Variants in ZNF469 observed in about 807,000 individuals in gnomAD.
ZNF469 encodes zinc finger protein 469.
Under a neutral mutation model 1.0 loss-of-function variants are expected in ZNF469, and 1 was observed. That is an observed-to-expected ratio of 1.00 (90% CI 0.35 to 4.73). ZNF469 has a LOEUF of 4.73. Among genes scored for constraint, ZNF469 ranks in the 30% most tolerant of loss-of-function variants. ZNF469 has a pLI of 0.16. For missense variants in ZNF469, 6,100 were observed against 5,356.3 expected (o/e 1.14, Z -4.33); for synonymous variants, 2,703 against 2,363.4 (o/e 1.14, Z -4.17).
chr16:88,426,512 G>A (rs928616456), intron 2 of ZNF469, among the ~76,000 whole-genome samples: 2 of 152,390 alleles, frequency 1.3e-5, no homozygotes, highest in Admixed American at 6.5e-5. Flanking sequence ...AGCCCTGGGT[G>A]AGCAAGGGGC....
the ZNF469 span, among the ~76,000 whole-genome samples, chr16:88,266,240 G>A: frequency 1.2e-4 from 19 of 152,384 alleles, no homozygotes; most frequent in African/African-American, 3.6e-4. Flanking sequence ...GGTTCACGCT[G>A]CAGGGACAGC....
At position 88,435,947 on chromosome 16, in the gene ZNF469, A is replaced by G. The variant is rs886043475; in HGVS notation, c.8477A>G (p.Asp2826Gly). The change falls in exon 3 of 3, where the codon GAC (aspartate) becomes GGC (glycine). Residue 2826 changes from aspartate to glycine, a missense_variant. Asp to Gly is a moderately conservative substitution (Grantham distance 94, BLOSUM62 -1). Transcript: ENST00000565624. ...SCLQGLPDNP[D>G]TQGGVQGPEG... Reference sequence around the variant, plus strand: ...CTCCAGGGCCTCCCGGACAACCCAGACACCCAGGGTGGAGTCCAGGGGCCT... The same window carrying G: ...CTCCAGGGCCTCCCGGACAACCCAGGCACCCAGGGTGGAGTCCAGGGGCCT... The G allele has an allele frequency of 3.9e-6, 6 of 1,550,004 alleles. No homozygotes were observed. Among genetic ancestry groups the G allele is most frequent in the Non-Finnish European group, 5.2e-6 (6 of 1,146,986 alleles).
At chr16:88,241,973 C>G in the ZNF469 span, among the ~76,000 whole-genome samples, 3 of 152,188 alleles carry the variant, frequency 2.0e-5, no homozygotes, top group African/African-American at 7.2e-5. The surrounding 1 kb of genome is among the most constrained non-coding windows in gnomAD (Gnocchi z 4.8). Flanking sequence ...GCTGTGCAGA[C>G]AGGATGGGAG....
At chr16:88,184,146 C>A in the ZNF469 span, among the ~76,000 whole-genome samples, 1 of 152,024 alleles carries the variant, frequency 6.6e-6, no homozygotes, top group African/African-American at 2.4e-5. Flanking sequence ...GACGAGACGA[C>A]CCTCACATCC....
At chr16:88,359,520 G>A in the ZNF469 span, among the ~76,000 whole-genome samples, 8 of 152,214 alleles carry the variant, frequency 5.3e-5, no homozygotes, top group African/African-American at 1.4e-4. Context: ...TTTCACTGCT[G>A]CCTAAAGATG....
At chr16:88,277,816 G>A in the ZNF469 span, among the ~76,000 whole-genome samples, 39 of 28,104 alleles carry the variant, frequency 1.4e-3, no homozygotes, top group Middle Eastern at 0.017. Flanking sequence ...TCACACCGAC[G>A]CTCGGTCAGT....
the ZNF469 span, among the ~76,000 whole-genome samples, chr16:88,169,970 G>C: frequency 1.3e-5 from 2 of 152,180 alleles, no homozygotes; most frequent in Non-Finnish European, 1.5e-5. This position sits in a 1 kb window ranked among gnomAD's most constrained non-coding sequence, Gnocchi z 6.1. Flanking sequence ...GCCTTACATG[G>C]ACTTCAGCTG....
the ZNF469 span, among the ~76,000 whole-genome samples, chr16:88,337,394 G>A: frequency 6.6e-6 from 1 of 152,178 alleles, no homozygotes. Flanking sequence ...CCATGATAGT[G>A]AGGCCTCCTC....
chr16:88,240,841 C>G, the ZNF469 span, among the ~76,000 whole-genome samples: 4 of 152,166 alleles, frequency 2.6e-5, no homozygotes, highest in African/African-American at 9.6e-5. Flanking sequence ...ACTTCCCCTC[C>G]CCAGCTGACG....
chr16:88,392,215 G>A (rs1033717006), intron 1 of ZNF469, among the ~76,000 whole-genome samples: 12 of 152,264 alleles, frequency 7.9e-5, no homozygotes, highest in East Asian at 7.7e-4. Flanking sequence ...AGTCGCGTGC[G>A]CTCTGCGCTT....
rs1037991831 is a variant in ZNF469 at position 88,429,258 on chromosome 16, G to A, written c.1788G>A (p.Pro596=). 2.6e-5 allele frequency: 40 copies of A among 1,549,654 alleles called. No homozygotes were observed. Among genetic ancestry groups the A allele is most frequent in the Admixed American group, 7.8e-5 (4 of 50,988 alleles). ...CCAGCGAGTCCCCACTGCCGTCACC[G>A]GCCACCAACACGGCCGGCAGCACCT... The part of the protein sequence containing the change: ...ASPSESPLPS[P]ATNTAGSTCS... Residue 596 remains proline (P), a synonymous_variant, in exon 3 of 3, where the codon CCG becomes CCA. Transcript: ENST00000565624.
At chr16:88,127,868 A>T in the ZNF469 span, among the ~76,000 whole-genome samples, 2 of 152,208 alleles carry the variant, frequency 1.3e-5, no homozygotes. Flanking sequence ...TCCTCACCTC[A>T]GTTAAGTGAG....
At chr16:88,173,399 T>G in the ZNF469 span, among the ~76,000 whole-genome samples, 1 of 152,062 alleles carries the variant, frequency 6.6e-6, no homozygotes, top group Non-Finnish European at 1.5e-5. Context: ...CATTCAAAAT[T>G]GGAGATAATG....
chr16:88,328,974 A>G, the ZNF469 span, among the ~76,000 whole-genome samples: 1 of 152,166 alleles, frequency 6.6e-6, no homozygotes, highest in Non-Finnish European at 1.5e-5. Flanking sequence ...AATGTTCTCC[A>G]CGGGGTCCCG....
chr16:88,297,381 G>A, the ZNF469 span, among the ~76,000 whole-genome samples: 36 of 152,204 alleles, frequency 2.4e-4, no homozygotes, highest in Non-Finnish European at 3.8e-4. Context: ...CTCCACGTCC[G>A]CTTTCCTTGG....
chr16:88,308,543 G>C, the ZNF469 span, among the ~76,000 whole-genome samples: 30 of 152,158 alleles, frequency 2.0e-4, no homozygotes, highest in Non-Finnish European at 3.7e-4. Flanking sequence ...GTTCTCTGCA[G>C]AGCACCCAGC....
chr16:88,367,103 C>T, the ZNF469 span, among the ~76,000 whole-genome samples: 3 of 152,182 alleles, frequency 2.0e-5, no homozygotes, highest in South Asian at 6.2e-4. Flanking sequence ...TTTTTGCGTC[C>T]CCTCAGTGCC....
chr16:88,349,540 C>T, the ZNF469 span, among the ~76,000 whole-genome samples: 2 of 149,602 alleles, frequency 1.3e-5, no homozygotes, highest in Non-Finnish European at 1.5e-5. Context: ...AGTGCATACA[C>T]ACCAGGCACA....
At chr16:88,157,224 G>T in the ZNF469 span, among the ~76,000 whole-genome samples, 1 of 151,820 alleles carries the variant, frequency 6.6e-6, no homozygotes, top group Non-Finnish European at 1.5e-5. Context: ...CCACCTCACA[G>T]GCTCTCTCAG....
Sources: allele counts gnomAD v4.1 joint callset (sites outside exome capture counted in the v4.1 genomes callset), GRCh38; gene constraint gnomAD v4.1.1; non-coding constraint Gnocchi (gnomAD v3.1); transcripts MANE v1.5; gene names NCBI Gene and HGNC (gene_info 2026-07-23, HGNC 2026-07-21).